Variants in TEX261 observed in about 807,000 individuals in gnomAD.
TEX261 encodes the protein testis expressed 261, also known as protein TEX261.
A neutral mutation model predicts 25.1 loss-of-function variants in TEX261; 13 were observed. That is an observed-to-expected ratio of 0.52 (90% CI 0.34 to 0.82). The LOEUF (loss-of-function observed/expected upper bound fraction) is 0.82. Among genes scored for constraint, TEX261 ranks in the 40% least tolerant of loss-of-function variants. The probability of loss-of-function intolerance (pLI) is 0.02; values close to 1 mark genes in which losing one functional copy is unlikely to be tolerated. For synonymous variants in TEX261, 92 were observed against 97.8 expected (o/e 0.94, Z 0.35); for missense variants, 206 against 243.2 (o/e 0.85, Z 1.02).
At chr2:70,993,509 G>A (rs1670344655) in intron 2 of TEX261, among the ~76,000 whole-genome samples, 187 bp downstream of exon 2, 1 of 152,144 alleles carries the variant, frequency 6.6e-6, no homozygotes, top group Non-Finnish European at 1.5e-5. Context: ...TGGGGAAGGC[G>A]GCCAGGGAAG....
chr2:70,992,459 G>A (rs184501769), intron 2 of TEX261, among the ~76,000 whole-genome samples: 4 of 152,200 alleles, frequency 2.6e-5, no homozygotes, highest in African/African-American at 7.2e-5. Context: ...GCCAGGCGAG[G>A]TGGCTCACGC....
rs576481724 is a variant in TEX261, at chr2:70,987,850, C to T, written c.*750G>A. The T allele has an allele frequency of 6.6e-6, 1 of 152,464 alleles. No individual in the cohort carries two copies. The highest frequency in any genetic ancestry group is 1.5e-5 in the Non-Finnish European group (1 of 68,050). 9.4% of individuals were successfully genotyped at this position (152,464 alleles called of 1,614,324 possible). ...GTCCTAAATTGTCCCCTCTCCTACT[C>T]CCAGTTTGACAGTCACGGAGCCTTG... On this transcript the variant is annotated 3_prime_UTR_variant, in exon 6 of 6. Coordinates refer to ENST00000272438, the MANE Select transcript of TEX261 (RefSeq NM_144582.3).
In TEX261 at chr2:70,993,678, G is replaced by C; in HGVS notation, c.150+18C>G. The stretch of plus-strand genomic sequence containing the variant: ...GGCAAAAGAGTGAGGAGGACTCCTG[G>C]AGAAAGATGCCACTTACCCAGATCA... On this transcript the variant is annotated intron_variant, in intron 2 of 5. Coordinates refer to ENST00000272438, the MANE Select transcript of TEX261 (RefSeq NM_144582.3). 1 of 1,608,234 alleles carries C rather than the reference G, an allele frequency of 6.2e-7. No homozygotes were observed. Among genetic ancestry groups the C allele is most frequent in the Non-Finnish European group, 8.5e-7 (1 of 1,174,752 alleles).
At chr2:70,988,809 AGGTGTCTCCAACACAG>A in intron 5 of TEX261, 90 bp downstream of exon 5, 1 of 1,512,734 alleles carries the variant, frequency 6.6e-7, no homozygotes, top group Non-Finnish European at 9.2e-7. Flanking sequence ...CCCCGAGTCC[AGGTGTCTCCAACACAG>A]GGCTAGATTC....
intron 2 of TEX261, among the ~76,000 whole-genome samples, chr2:70,993,118 A>G (rs529974080): frequency 7.9e-5 from 12 of 152,058 alleles, no homozygotes; most frequent in Non-Finnish European, 1.8e-4. Flanking sequence ...CTTTCTCTCC[A>G]ATGGCACCCC....
Position 70,994,183 on chromosome 2 carries a change from A to T in TEX261, c.71-408T>A, listed in dbSNP as rs563603921. Among the ~76,000 whole-genome samples, 18 of 152,362 alleles carry T rather than the reference A, an allele frequency of 1.2e-4. No homozygotes were observed. The South Asian group carries it at 3.7e-3, about 32-fold the overall frequency. ...ACAGTAGGGAGAGACAGACGAGTTT[A>T]GTGTGAGAAATGCTACTTTAGGGAA... On this transcript the variant is annotated intron_variant, in intron 1 of 5. Coordinates refer to ENST00000272438, the MANE Select transcript of TEX261 (RefSeq NM_144582.3).
In TEX261 at chr2:70,987,052, G is replaced by A. The variant is rs1670200389; in HGVS notation, c.*1548C>T. On this transcript the variant is annotated 3_prime_UTR_variant, in exon 6 of 6. Transcript: ENST00000272438. ...CTGCTGGATTTAGCAAGCCCTGGGA[G>A]AACACTGGCAGTAGAGTGGAGGGGG... The A allele has an allele frequency of 6.6e-6, 1 of 152,324 alleles. No homozygotes were observed. The highest frequency in any genetic ancestry group is 1.5e-5 in the Non-Finnish European group (1 of 68,074). 9.4% of individuals were successfully genotyped at this position (152,324 alleles called of 1,614,324 possible).
chr2:70,992,695 C>T (rs1670327228), intron 2 of TEX261, among the ~76,000 whole-genome samples: 1 of 151,050 alleles, frequency 6.6e-6, no homozygotes, highest in Non-Finnish European at 1.5e-5. Flanking sequence ...TGCCACTGCA[C>T]TCCAGCCTGG....
At chr2:70,992,385 G>A (rs1444350244) in intron 2 of TEX261, among the ~76,000 whole-genome samples, 1 of 151,856 alleles carries the variant, frequency 6.6e-6, no homozygotes, top group Non-Finnish European at 1.5e-5. Flanking sequence ...TTACAGGTGT[G>A]AGCCACCGCA....
Position 70,993,874 on chromosome 2 carries a change from C to G in TEX261, c.71-99G>C, listed in dbSNP as rs981487373. 7.6e-6 allele frequency: 7 copies of G among 919,304 alleles called. No individual in the cohort carries two copies. The African/African-American group carries it at 9.8e-5, about 13-fold the overall frequency. The allele number at this position is 919,304 out of a possible 1,614,324, so 56.9% of individuals were successfully genotyped here. ...CCAGTCCCCATCCACCCTTCATGGA[C>G]CCCAGAAGGTCAAGAACAAACCAAA... On this transcript the variant is annotated intron_variant, in intron 1 of 5. Transcript: ENST00000272438.
chr2:70,994,657 G>T, intron 1 of TEX261, 31 bp downstream of exon 1: 1 of 1,572,212 alleles, frequency 6.4e-7, no homozygotes, highest in Non-Finnish European at 8.6e-7. Flanking sequence ...CGGGGCGGGA[G>T]CCCGCGCGGG....
rs1670221927 is a variant in TEX261, at chr2:70,987,985, A to G, written c.*615T>C. ...TGCCCCCTTCCCATTAAGGGCCACAAGAACAGTCCCTTGGGAAGGGCAAGA... is the reference window on the plus strand; with the variant it reads ...TGCCCCCTTCCCATTAAGGGCCACAGGAACAGTCCCTTGGGAAGGGCAAGA... On this transcript the variant is annotated 3_prime_UTR_variant, in exon 6 of 6. Transcript: ENST00000272438. 1 of 153,444 alleles carries G rather than the reference A, an allele frequency of 6.5e-6. No homozygotes were observed. The highest frequency in any genetic ancestry group is 2.1e-4 in the South Asian group (1 of 4,838). 9.5% of individuals were successfully genotyped at this position (153,444 alleles called of 1,614,324 possible). A position where few individuals can be genotyped will look rare whatever the true frequency, so the allele number is the denominator to read the frequency against.
intron 2 of TEX261, 84 bp downstream of exon 2, chr2:70,993,612 C>G (rs1553425873): frequency 2.7e-6 from 3 of 1,102,632 alleles, no homozygotes; most frequent in African/African-American, 3.1e-5. Flanking sequence ...CAGGCCTCAT[C>G]ATCCATGCCA....
rs1407943296 is a variant in TEX261, at chr2:70,988,499, C to A, written c.*101G>T. Reference sequence around the variant, plus strand: ...AGAGTTGAGGGGAAGAAAGCCAGGGCAGGTGGTAGGTGCCTTCCCGACTTC... The same window carrying A: ...AGAGTTGAGGGGAAGAAAGCCAGGGAAGGTGGTAGGTGCCTTCCCGACTTC... On this transcript the variant is annotated 3_prime_UTR_variant, in exon 6 of 6. Coordinates refer to ENST00000272438, the MANE Select transcript of TEX261 (RefSeq NM_144582.3). 5.7e-6 allele frequency: 5 copies of A among 872,810 alleles called. No individual in the cohort carries two copies. In the African/African-American group the frequency reaches 6.7e-5, roughly 12 times the overall value. The allele number at this position is 872,810 out of a possible 1,614,324, so 54.1% of individuals were successfully genotyped here.
rs1017830322 is a variant in TEX261 at position 70,986,973 on chromosome 2, G to C, written c.*1627C>G. On this transcript the variant is annotated 3_prime_UTR_variant, in exon 6 of 6. Transcript: ENST00000272438. ...CAGGGAAGTGCCATCCAAGAAGCAA[G>C]GGGTGATCAGCCATGTCAAATGCTG... 6.6e-6 allele frequency: 1 copy of C among 152,482 alleles called. No homozygotes were observed. Among genetic ancestry groups the C allele is most frequent in the African/African-American group, 2.4e-5 (1 of 41,450 alleles). The allele number at this position is 152,482 out of a possible 1,614,324, so 9.4% of individuals were successfully genotyped here. A position where few individuals can be genotyped will look rare whatever the true frequency, so the allele number is the denominator to read the frequency against.
chr2:70,991,468 G>A (rs1670297346), intron 3 of TEX261, among the ~76,000 whole-genome samples: 1 of 152,242 alleles, frequency 6.6e-6, no homozygotes, highest in African/African-American at 2.4e-5. Context: ...ACGGACAGCT[G>A]CCTGCCTACC....
At position 70,988,970 on chromosome 2, in the gene TEX261, A is replaced by G. The variant is rs1373334953; in HGVS notation, c.420T>C (p.Phe140=). ...TCTCCCCGGCCGAAAGTGACACAAA[A>G]AACGCAAACGGAATTATCCACAGGC... The part of the protein sequence containing the change: ...TFCLWIIPFA[F]FVSLSAGENV... The change falls in exon 5 of 6, where the codon TTT becomes TTC. Residue 140 remains phenylalanine (F), a synonymous_variant. Transcript: ENST00000272438. 2.5e-6 allele frequency: 4 copies of G among 1,614,024 alleles called. No homozygotes were observed. Among genetic ancestry groups the G allele is most frequent in the African/African-American group, 1.3e-5 (1 of 74,918 alleles).
chr2:70,992,021 T>C (rs1315260301), intron 2 of TEX261, 38 bp from the exon 3 acceptor site: 15 of 1,535,016 alleles, frequency 9.8e-6, no homozygotes, highest in Non-Finnish European at 1.2e-5. Flanking sequence ...GGGCGCTTCT[T>C]CCAGGCAACG....
chr2:70,989,427 G>A (rs1309589118), intron 4 of TEX261: 2 of 419,858 alleles, frequency 4.8e-6, no homozygotes, highest in East Asian at 4.8e-5. Context: ...TGGGGCTCAG[G>A]GGTGCAGTCC....
Sources: allele counts gnomAD v4.1 joint callset (sites outside exome capture counted in the v4.1 genomes callset), GRCh38; gene constraint gnomAD v4.1.1; transcripts MANE v1.5; gene names NCBI Gene and HGNC (gene_info 2026-07-23, HGNC 2026-07-21).